PDCD10: variants seen among roughly 807,000 people sequenced by gnomAD.
PDCD10 encodes programmed cell death 10, also known as programmed cell death protein 10.
A neutral mutation model predicts 29.2 loss-of-function variants in PDCD10; 4 were observed. That is an observed-to-expected ratio of 0.14 (90% CI 0.07 to 0.31). The LOEUF (loss-of-function observed/expected upper bound fraction) is 0.31. Among genes scored for constraint, PDCD10 ranks in the 10% least tolerant of loss-of-function variants. PDCD10 has a pLI of 1.00. For missense variants in PDCD10, 183 were observed against 257.9 expected, an observed-to-expected ratio of 0.71 and a Z score of 1.99; for synonymous variants, 70 against 82.2, an observed-to-expected ratio of 0.85 and a Z score of 0.80.
At chr3:167,684,719 G>A (rs894862314) in intron 8 of PDCD10, among the ~76,000 whole-genome samples, 3 of 152,024 alleles carry the variant, frequency 2.0e-5, no homozygotes, top group African/African-American at 7.2e-5. Flanking sequence ...TGGTTTCATA[G>A]AAGTTAACAA....
At chr3:167,684,484 G>GAA (rs762387951) in intron 8 of PDCD10, 95 bp from the exon 9 acceptor site, 350 of 512,906 alleles carry the variant, frequency 6.8e-4, no homozygotes, top group Middle Eastern at 1.5e-3. Flanking sequence ...ATCAATTTTA[G>GAA]AAAAAAAAAA....
At chr3:167,718,112 G>A (rs1041237682) in intron 3 of PDCD10, among the ~76,000 whole-genome samples, 1 of 151,972 alleles carries the variant, frequency 6.6e-6, no homozygotes, top group Admixed American at 6.6e-5. Context: ...TGGAGTAACT[G>A]AGAAGGTCAA....
At chr3:167,725,800 TATATATATATATGC>T in intron 2 of PDCD10, among the ~76,000 whole-genome samples, 1 of 116,652 alleles carries the variant, frequency 8.6e-6, no homozygotes, top group Non-Finnish European at 1.8e-5. Flanking sequence ...TATATATATA[TATATATATATATGC>T]TTTAAAAATA....
chr3:167,687,714 A>C, intron 6 of PDCD10, 21 bp from the exon 7 acceptor site: 2 of 1,270,942 alleles, frequency 1.6e-6, no homozygotes, highest in Non-Finnish European at 2.3e-6. Context: ...AAGAATAAAG[A>C]ATATCAGCTA....
At chr3:167,709,739 C>T (rs1476260195) in intron 3 of PDCD10, among the ~76,000 whole-genome samples, 1 of 152,058 alleles carries the variant, frequency 6.6e-6, no homozygotes, top group Non-Finnish European at 1.5e-5. Context: ...ACCAAAAGAC[C>T]CACCAGACAG....
intron 8 of PDCD10, among the ~76,000 whole-genome samples, chr3:167,684,886 T>C (rs527352214): frequency 2.9e-4 from 44 of 152,298 alleles, no homozygotes; most frequent in African/African-American, 1.1e-3. Flanking sequence ...AAACTACTTT[T>C]ACTATAAACA....
At chr3:167,709,930 A>C (rs1447442595) in intron 3 of PDCD10, among the ~76,000 whole-genome samples, 1 of 152,168 alleles carries the variant, frequency 6.6e-6, no homozygotes, top group Admixed American at 6.5e-5. Context: ...CAGAGTACTG[A>C]GACCCCATTC....
chr3:167,725,810 T>TATAA (rs1724097712), intron 2 of PDCD10, among the ~76,000 whole-genome samples: 1 of 115,352 alleles, frequency 8.7e-6, no homozygotes, highest in Non-Finnish European at 1.8e-5. Flanking sequence ...TATATATATA[T>TATAA]ATGCTTTAAA....
At chr3:167,700,703 T>C (rs1395458054) in intron 4 of PDCD10, among the ~76,000 whole-genome samples, 1 of 152,126 alleles carries the variant, frequency 6.6e-6, no homozygotes. Flanking sequence ...AAAAGGAAAG[T>C]CTAAAGCTGA....
intron 3 of PDCD10, among the ~76,000 whole-genome samples, chr3:167,715,945 A>G (rs1460576593): frequency 1.3e-5 from 2 of 152,002 alleles, no homozygotes; most frequent in Middle Eastern, 3.2e-3. Flanking sequence ...AAGGAAAATC[A>G]GTATGTAGAA....
chr3:167,697,829 G>A (rs948234645), intron 4 of PDCD10: 30 of 428,090 alleles, frequency 7.0e-5, no homozygotes, highest in Non-Finnish European at 1.4e-4. Flanking sequence ...TTTCAAGACT[G>A]GGCATAGAGT....
intron 3 of PDCD10, among the ~76,000 whole-genome samples, chr3:167,706,679 T>C (rs1184590773): frequency 6.6e-6 from 1 of 152,210 alleles, no homozygotes; most frequent in Non-Finnish European, 1.5e-5. Context: ...ACTGAAATGT[T>C]ATGTGCCACA....
In PDCD10 at chr3:167,687,570, A is replaced by C. The variant is rs755309660; in HGVS notation, c.474+45T>G. The C allele has an allele frequency of 3.7e-6, 4 of 1,091,508 alleles. No individual in the cohort carries two copies. In the African/African-American group the frequency reaches 6.2e-5, roughly 17 times the overall value. The allele number at this position is 1,091,508 out of a possible 1,614,324, so 67.6% of individuals were successfully genotyped here. ...AAGTCAATAAAACAACTAGGCATAA[A>C]CCAACATCTAGGGTGTCAACTAGCA... is the stretch of plus-strand genomic sequence containing the variant. On this transcript the variant is annotated intron_variant, in intron 7 of 8. Transcript: ENST00000392750.
intron 6 of PDCD10, among the ~76,000 whole-genome samples, 167 bp from the exon 7 acceptor site, chr3:167,687,860 A>G (rs1384212216): frequency 6.6e-6 from 1 of 152,220 alleles, no homozygotes; most frequent in East Asian, 1.9e-4. Flanking sequence ...CTTTTCGGCT[A>G]GCTGGTTGGA....
chr3:167,730,210 TTG>T (rs145585689), intron 2 of PDCD10, among the ~76,000 whole-genome samples: 8,335 of 150,366 alleles, frequency 0.055, 745 homozygotes, highest in African/African-American at 0.19. Context: ...ATTTTTTGCA[TTG>T]TGTGTGTGTG....
At chr3:167,690,902 C>T (rs1298709601) in intron 6 of PDCD10, among the ~76,000 whole-genome samples, 1 of 152,172 alleles carries the variant, frequency 6.6e-6, no homozygotes, top group Admixed American at 6.5e-5. Context: ...AACACAGATT[C>T]AAATCTAGGT....
intron 3 of PDCD10, among the ~76,000 whole-genome samples, chr3:167,718,992 C>G (rs192724149): frequency 1.3e-5 from 2 of 152,182 alleles, no homozygotes; most frequent in Admixed American, 1.3e-4. Context: ...AAAATGTTGA[C>G]TGCATTGGCA....
At chr3:167,729,666 C>T (rs1724589032) in intron 2 of PDCD10, among the ~76,000 whole-genome samples, 1 of 152,124 alleles carries the variant, frequency 6.6e-6, no homozygotes, top group African/African-American at 2.4e-5. Flanking sequence ...CACTTAGTTA[C>T]TTAATACTCA....
At chr3:167,732,965 T>C (rs893473265) in intron 2 of PDCD10, among the ~76,000 whole-genome samples, 2 of 152,254 alleles carry the variant, frequency 1.3e-5, no homozygotes, top group African/African-American at 4.8e-5. Context: ...CTACATTACT[T>C]ATGGTACATT....
Sources: allele counts gnomAD v4.1 joint callset (sites outside exome capture counted in the v4.1 genomes callset), GRCh38; gene constraint gnomAD v4.1.1; transcripts MANE v1.5; gene names NCBI Gene and HGNC (gene_info 2026-07-23, HGNC 2026-07-21).